The following CNOT9 variants were observed in gnomAD, a reference collection of about 807,000 sequenced individuals.
CNOT9 encodes CCR4-NOT transcription complex subunit 9.
In CNOT9, 8 loss-of-function variants were observed where a neutral mutation model predicts 37.4. That is an observed-to-expected ratio of 0.21 (90% CI 0.13 to 0.39). CNOT9 has a LOEUF of 0.39. CNOT9 is among the 10% of genes least tolerant of loss of function. CNOT9 has a pLI of 1.00. For synonymous variants in CNOT9, 120 were observed against 137.6 expected (o/e 0.87, Z 0.90); for missense variants, 154 against 365.3 (o/e 0.42, Z 4.71).
At chr2:218,593,764 ATTATT>A (rs1337629311) in intron 7 of CNOT9, 6 of 1,205,470 alleles carry the variant, frequency 5.0e-6, no homozygotes, top group African/African-American at 3.1e-5. Context: ...TGATTTTTGA[ATTATT>A]TTATTTGCCA....
chr2:218,589,408 C>T (rs559233041), intron 5 of CNOT9: 23 of 152,192 alleles, frequency 1.5e-4, no homozygotes, highest in African/African-American at 5.5e-4. Flanking sequence ...AGGCATGGCT[C>T]ACTGCCGCCT....
intron 1 of CNOT9, among the ~76,000 whole-genome samples, chr2:218,576,881 C>T (rs1023281401): frequency 2.0e-5 from 3 of 151,560 alleles, no homozygotes; most frequent in Non-Finnish European, 2.9e-5. Flanking sequence ...GCAGAAGAAC[C>T]GCTTGAACCT....
intron 5 of CNOT9, among the ~76,000 whole-genome samples, chr2:218,591,429 A>G (rs1694771748): frequency 6.6e-6 from 1 of 152,198 alleles, no homozygotes; most frequent in Non-Finnish European, 1.5e-5. Flanking sequence ...TTATTTCTTC[A>G]AGATCTTTTA....
At chr2:218,583,366 G>C (rs1225852100) in intron 3 of CNOT9, among the ~76,000 whole-genome samples, 1 of 151,446 alleles carries the variant, frequency 6.6e-6, no homozygotes, top group Non-Finnish European at 1.5e-5. Context: ...AAGGTATCAG[G>C]CATACAGCTA....
chr2:218,574,029 G>A (rs1479834447), intron 1 of CNOT9: 2 of 435,762 alleles, frequency 4.6e-6, no homozygotes, highest in Admixed American at 5.0e-5. Context: ...GAGTGCAGTG[G>A]TGTGATCTTG....
At chr2:218,570,672 T>G (rs547383899) in intron 1 of CNOT9, among the ~76,000 whole-genome samples, 2 of 152,346 alleles carry the variant, frequency 1.3e-5, no homozygotes, top group South Asian at 4.1e-4. Flanking sequence ...TGATTGTGTC[T>G]TCTCCCGAAT....
chr2:218,588,588 C>CTTTTTTTTTTTTT lies in CNOT9; in HGVS notation c.540+907_540+919dup, dbSNP rs1172484260. On this transcript the variant is annotated intron_variant, in intron 5 of 7. Transcript: ENST00000273064. Reference sequence around the variant, plus strand: ...ACAGTCATGAGCCACTCCACCCGGCCTTTTTTTTTTTTTTTTTTTTTTTTT... The same window carrying CTTTTTTTTTTTTT: ...ACAGTCATGAGCCACTCCACCCGGCCTTTTTTTTTTTTTTTTTTTTTTTTTTTTTTTTTTTTTT... Among the ~76,000 whole-genome samples, 177 of 33,452 alleles carry CTTTTTTTTTTTTT rather than the reference C, an allele frequency of 5.3e-3. 55 individuals are homozygous for CTTTTTTTTTTTTT. The highest frequency in any genetic ancestry group is 0.02 in the East Asian group (16 of 804). The allele number at this position is 33,452 out of a possible 152,430, so 21.9% of individuals were successfully genotyped here. A position where few individuals can be genotyped will look rare whatever the true frequency, so the allele number is the denominator to read the frequency against.
Position 218,593,912 on chromosome 2 carries a change from A to G in CNOT9, c.732-196A>G, listed in dbSNP as rs528411029. 766 of 1,007,824 alleles carry G rather than the reference A, an allele frequency of 7.6e-4. 1 individual carries two copies. The African/African-American group carries it at 0.011, about 15-fold the overall frequency. The allele number at this position is 1,007,824 out of a possible 1,614,324, so 62.4% of individuals were successfully genotyped here. A position where few individuals can be genotyped will look rare whatever the true frequency, so the allele number is the denominator to read the frequency against. ...TTCTACATTGGGGCATCATTCAGAA[A>G]ATATTTGTGGATACAGATTTTGGAG... On this transcript the variant is annotated intron_variant, in intron 7 of 7. Coordinates refer to ENST00000273064, the MANE Select transcript of CNOT9 (RefSeq NM_005444.3).
At position 218,595,773 on chromosome 2, in the gene CNOT9, A is replaced by G. The variant is rs1694912591; in HGVS notation, c.*1497A>G. On this transcript the variant is annotated 3_prime_UTR_variant, in exon 8 of 8. Transcript: ENST00000273064. ...CTCAAAAAAAAAAAAACCCATTTGC[A>G]GAGGCAGTTTTGCCAACACAAGGGC... 1 of 151,214 alleles carries G rather than the reference A, an allele frequency of 6.6e-6. No individual in the cohort carries two copies. 9.4% of individuals were successfully genotyped at this position (151,214 alleles called of 1,614,324 possible). A position where few individuals can be genotyped will look rare whatever the true frequency, so the allele number is the denominator to read the frequency against.
In CNOT9 at chr2:218,571,804, C is replaced by T. The variant is rs907653228; in HGVS notation, c.24+2826C>T. ...TTCTTCATGTTGGTCAGCCTGGTCT[C>T]GAACTCCTGACCTCAGGTGATCTGC... On this transcript the variant is annotated intron_variant, in intron 1 of 7. Transcript: ENST00000273064. 7.0e-5 allele frequency among the ~76,000 whole-genome samples: 10 copies of T among 142,814 alleles called. No homozygotes were observed. In the East Asian group the frequency reaches 1.3e-3, roughly 18 times the overall value. 93.7% of individuals were successfully genotyped at this position (142,814 alleles called of 152,430 possible).
intron 1 of CNOT9, among the ~76,000 whole-genome samples, chr2:218,575,687 G>A (rs893204995): frequency 2.0e-5 from 3 of 152,178 alleles, no homozygotes; most frequent in African/African-American, 7.2e-5. Flanking sequence ...ACAGGCGTGA[G>A]CCACCGTGCC....
chr2:218,575,424 AGCTCAGGCTGGAGTACAGTG>A (rs564286736), intron 1 of CNOT9, among the ~76,000 whole-genome samples: 5 of 118,618 alleles, frequency 4.2e-5, no homozygotes, highest in East Asian at 2.4e-4. Flanking sequence ...CTTGCTCTGT[AGCTCAGGCTGGAGTACAGTG>A]GCTCAGGCTG....
intron 5 of CNOT9, among the ~76,000 whole-genome samples, chr2:218,587,908 C>T (rs930815235): frequency 1.3e-5 from 2 of 152,224 alleles, no homozygotes; most frequent in African/African-American, 4.8e-5. Flanking sequence ...ACCCACATCT[C>T]ACTCCACAGG....
At position 218,592,496 on chromosome 2, in the gene CNOT9, A is replaced by G. The variant is rs1015703903; in HGVS notation, c.639+94A>G. The G allele has an allele frequency of 1.4e-6, 2 of 1,448,418 alleles. No homozygotes were observed. The highest frequency in any genetic ancestry group is 1.9e-6 in the Non-Finnish European group (2 of 1,029,154). 89.7% of individuals were successfully genotyped at this position (1,448,418 alleles called of 1,614,324 possible). ...ATTGAACAACTTCAGTCCTCTGACT[A>G]GAACTAACAATTTTGGAACCTTTTA... On this transcript the variant is annotated intron_variant, in intron 6 of 7. Transcript: ENST00000273064. This position sits in a 1 kb window ranked among gnomAD's most constrained non-coding sequence, Gnocchi z 4.1.
chr2:218,574,820 A>G (rs1454217308), intron 1 of CNOT9, among the ~76,000 whole-genome samples: 1 of 152,186 alleles, frequency 6.6e-6, no homozygotes, highest in Non-Finnish European at 1.5e-5. Context: ...GCATTAAAGA[A>G]CTTTTTGGGG....
chr2:218,589,703 C>T (rs1409779472), intron 5 of CNOT9, among the ~76,000 whole-genome samples: 1 of 152,192 alleles, frequency 6.6e-6, no homozygotes, highest in Non-Finnish European at 1.5e-5. Context: ...TATTCACAGC[C>T]ATGATAATGG....
At position 218,596,287 on chromosome 2, in the gene CNOT9, G is replaced by A. The variant is rs559106835; in HGVS notation, c.*2011G>A. 2 of 152,270 alleles carry A rather than the reference G, an allele frequency of 1.3e-5. No individual in the cohort carries two copies. The highest frequency in any genetic ancestry group is 2.1e-4 in the South Asian group (1 of 4,816). The allele number at this position is 152,270 out of a possible 1,614,324, so 9.4% of individuals were successfully genotyped here. A position where few individuals can be genotyped will look rare whatever the true frequency, so the allele number is the denominator to read the frequency against. ...CCTTGGAACCCACATAGGAGTTGGT[G>A]GGGGAGGGATGGAATGGGTATTATT... On this transcript the variant is annotated 3_prime_UTR_variant, in exon 8 of 8. Coordinates refer to ENST00000273064, the MANE Select transcript of CNOT9 (RefSeq NM_005444.3).
At position 218,595,812 on chromosome 2, in the gene CNOT9, C is replaced by G. The variant is rs927625085; in HGVS notation, c.*1536C>G. ...CAACACAAGGGCTCTTTCAAGCCGA[C>G]TTTCACAAAGAGAGCCGGACTTGTT... On this transcript the variant is annotated 3_prime_UTR_variant, in exon 8 of 8. Coordinates refer to ENST00000273064, the MANE Select transcript of CNOT9 (RefSeq NM_005444.3). 2.6e-5 allele frequency: 4 copies of G among 151,476 alleles called. No individual in the cohort carries two copies. Among genetic ancestry groups the G allele is most frequent in the African/African-American group, 9.7e-5 (4 of 41,286 alleles). The allele number at this position is 151,476 out of a possible 1,614,324, so 9.4% of individuals were successfully genotyped here. A position where few individuals can be genotyped will look rare whatever the true frequency, so the allele number is the denominator to read the frequency against.
At chr2:218,579,520 A>G (rs1323883425) in intron 1 of CNOT9, among the ~76,000 whole-genome samples, 4 of 152,190 alleles carry the variant, frequency 2.6e-5, no homozygotes, top group South Asian at 4.1e-4. Context: ...GGAGTCTCAC[A>G]CTGTCACCCA....
Sources: allele counts gnomAD v4.1 joint callset (sites outside exome capture counted in the v4.1 genomes callset), GRCh38; gene constraint gnomAD v4.1.1; non-coding constraint Gnocchi (gnomAD v3.1); transcripts MANE v1.5; gene names NCBI Gene and HGNC (gene_info 2026-07-23, HGNC 2026-07-21).